Variants in ABLIM1 observed in about 807,000 individuals in gnomAD.
ABLIM1 encodes the protein actin binding LIM protein 1.
ABLIM1 carries 40 observed loss-of-function variants against 107.0 expected under a neutral mutation model. The observed-to-expected ratio is 0.37, with a 90% confidence interval of 0.29 to 0.49. ABLIM1 has a LOEUF of 0.49. ABLIM1 is among the 20% of genes least tolerant of loss of function. The probability of loss-of-function intolerance (pLI) is 0.97; values close to 1 mark genes in which losing one functional copy is unlikely to be tolerated. For missense variants in ABLIM1, 857 were observed against 1,008.5 expected (o/e 0.85, Z 2.04); for synonymous variants, 357 against 357.3 (o/e 1.00, Z 0.01).
intron 3 of ABLIM1, among the ~76,000 whole-genome samples, chr10:114,573,475 TA>T (rs1246090505): frequency 3.3e-5 from 5 of 152,336 alleles, no homozygotes; most frequent in African/African-American, 1.2e-4. Flanking sequence ...CCATAGTTAA[TA>T]AATCGTTTTT....
At chr10:114,666,843 T>C (rs2080045986) in intron 1 of ABLIM1, among the ~76,000 whole-genome samples, 1 of 152,202 alleles carries the variant, frequency 6.6e-6, no homozygotes, top group African/African-American at 2.4e-5. Flanking sequence ...TGGTGGCATA[T>C]ATATAAAGTA....
chr10:114,526,987 A>C (rs774321892), intron 6 of ABLIM1: 25 of 984,782 alleles, frequency 2.5e-5, no homozygotes, highest in Non-Finnish European at 3.0e-5. Flanking sequence ...TTCCCAAAAA[A>C]GGAGGGGGAG....
intron 6 of ABLIM1, among the ~76,000 whole-genome samples, chr10:114,514,521 T>C (rs553617860): frequency 1.8e-3 from 281 of 152,140 alleles, no homozygotes; most frequent in African/African-American, 6.1e-3. Context: ...TACAGATGCA[T>C]GTGCCACCAT....
intron 1 of ABLIM1, among the ~76,000 whole-genome samples, chr10:114,759,670 T>C (rs993186870): frequency 1.3e-5 from 2 of 152,152 alleles, no homozygotes; most frequent in Non-Finnish European, 2.9e-5. Flanking sequence ...TAAGTTTAAA[T>C]TTTGAGGTAG....
At chr10:114,579,367 C>T (rs764354016) in intron 2 of ABLIM1, among the ~76,000 whole-genome samples, 3 of 152,158 alleles carry the variant, frequency 2.0e-5, no homozygotes, top group Non-Finnish European at 4.4e-5. Flanking sequence ...AGACATTGAT[C>T]TGTCTGTGAT....
chr10:114,538,331 G>T (rs548999435), intron 6 of ABLIM1, among the ~76,000 whole-genome samples: 159 of 152,306 alleles, frequency 1.0e-3, no homozygotes, highest in Admixed American at 3.7e-3. Context: ...AGCAGGAGGG[G>T]TCTAAAAGCG....
At chr10:114,558,087 T>C (rs557391846) in intron 4 of ABLIM1, among the ~76,000 whole-genome samples, 2 of 152,268 alleles carry the variant, frequency 1.3e-5, no homozygotes, top group Non-Finnish European at 2.9e-5. Flanking sequence ...TTGGCAATAA[T>C]TGTTGTCTCA....
intron 2 of ABLIM1, among the ~76,000 whole-genome samples, chr10:114,596,487 C>A (rs1405429125): frequency 6.6e-6 from 1 of 152,114 alleles, no homozygotes. Context: ...GAGTTTGAGA[C>A]CAGCCTGGGC....
intron 16 of ABLIM1, 27 bp from the exon 17 acceptor site, chr10:114,444,161 A>G: frequency 6.6e-7 from 1 of 1,516,260 alleles, no homozygotes; most frequent in Non-Finnish European, 8.9e-7. Flanking sequence ...GGAAAAAAAA[A>G]AAAAAAAGAA....
chr10:114,778,568 GAC>G, the ABLIM1 span: 8,422 of 131,300 alleles, frequency 0.064, 458 homozygotes, highest in African/African-American at 0.16. Flanking sequence ...TCATCATCCA[GAC>G]ACACACACAC....
At chr10:114,721,340 G>T (rs554206324) in intron 1 of ABLIM1, among the ~76,000 whole-genome samples, 1 of 152,272 alleles carries the variant, frequency 6.6e-6, no homozygotes, top group East Asian at 1.9e-4. Flanking sequence ...TATGGACTCA[G>T]CCTGGCCAGC....
intron 12 of ABLIM1, among the ~76,000 whole-genome samples, chr10:114,458,042 C>T (rs2063158735): frequency 1.3e-5 from 2 of 152,078 alleles, no homozygotes; most frequent in Non-Finnish European, 2.9e-5. Context: ...CACTGCACTC[C>T]AGCTGGGGCA....
intron 4 of ABLIM1, 78 bp from the exon 5 acceptor site, chr10:114,547,854 C>T (rs961896408): frequency 6.5e-6 from 10 of 1,550,028 alleles, no homozygotes; most frequent in Non-Finnish European, 8.7e-6. Context: ...TTCAACCCCA[C>T]TGTGTGCCCA....
At chr10:114,686,531 A>G (rs1486904251), upstream of ABLIM1, among the ~76,000 whole-genome samples, 2 of 151,672 alleles carry the variant, frequency 1.3e-5, no homozygotes, top group Non-Finnish European at 2.9e-5. Context: ...AAACAAAAAC[A>G]AAAGAGGTGA....
At chr10:114,676,045 C>T (rs2080466378) in intron 1 of ABLIM1, among the ~76,000 whole-genome samples, 1 of 152,188 alleles carries the variant, frequency 6.6e-6, no homozygotes, top group Non-Finnish European at 1.5e-5. Flanking sequence ...GTCACAGTCA[C>T]AGGTACTGGC....
At chr10:114,568,147 G>A (rs1047043662) in intron 4 of ABLIM1, among the ~76,000 whole-genome samples, 4 of 131,576 alleles carry the variant, frequency 3.0e-5, no homozygotes, top group African/African-American at 1.2e-4. Context: ...CCGAGATTGC[G>A]CCACTGCAGT....
At chr10:114,634,056 C>A (rs1365573697) in intron 1 of ABLIM1, among the ~76,000 whole-genome samples, 7 of 149,824 alleles carry the variant, frequency 4.7e-5, no homozygotes, top group African/African-American at 1.7e-4. Context: ...CAGTAAAACA[C>A]CATTGGTTTC....
upstream of ABLIM1, among the ~76,000 whole-genome samples, chr10:114,770,564 CCTT>C (rs1207548037): frequency 1.3e-5 from 2 of 152,192 alleles, no homozygotes; most frequent in African/African-American, 4.8e-5. Context: ...GAAAGGTTCT[CCTT>C]CTACCTTAAC....
chr10:114,622,928 T>C (rs1211731927), intron 1 of ABLIM1, among the ~76,000 whole-genome samples: 2 of 152,196 alleles, frequency 1.3e-5, no homozygotes, highest in South Asian at 2.1e-4. Flanking sequence ...GTGGTAGCCT[T>C]TGTGAGCCAA....
Sources: gnomAD v4.1 joint callset for allele counts (sites outside exome capture counted in the v4.1 genomes callset) on GRCh38, gnomAD v4.1.1 for gene constraint, MANE v1.5 for transcripts, NCBI Gene and HGNC (gene_info 2026-07-23, HGNC 2026-07-21) for gene names.